PABPC4L: variants seen among roughly 807,000 people sequenced by gnomAD.
PABPC4L encodes polyadenylate-binding protein 4-like.
For synonymous variants in PABPC4L, 169 were observed against 164.1 expected (o/e 1.03, Z -0.23); for missense variants, 452 against 451.4 (o/e 1.00, Z -0.01).
downstream of PABPC4L, among the ~76,000 whole-genome samples, chr4:134,195,969 A>G (rs1470708992): frequency 6.7e-6 from 1 of 150,336 alleles, no homozygotes; most frequent in Non-Finnish European, 1.5e-5. Flanking sequence ...TTATATTTTT[A>G]CTCTATTGTT....
the PABPC4L span, among the ~76,000 whole-genome samples, chr4:134,017,726 G>C: frequency 6.6e-6 from 1 of 151,792 alleles, no homozygotes; most frequent in Admixed American, 6.6e-5. Flanking sequence ...CCGTATCCAG[G>C]CCATCACCAA....
the PABPC4L span, among the ~76,000 whole-genome samples, chr4:134,089,049 A>G: frequency 6.6e-6 from 1 of 152,112 alleles, no homozygotes; most frequent in Non-Finnish European, 1.5e-5. Flanking sequence ...GAGGAAAGGA[A>G]CTAAAGTCAG....
the PABPC4L span, among the ~76,000 whole-genome samples, chr4:134,012,785 T>A: frequency 6.6e-6 from 1 of 152,192 alleles, no homozygotes. Context: ...GGCCTCTTTT[T>A]ACTCTCTTCT....
chr4:133,987,493 C>T, the PABPC4L span, among the ~76,000 whole-genome samples: 1 of 151,912 alleles, frequency 6.6e-6, no homozygotes, highest in African/African-American at 2.4e-5. Flanking sequence ...CCAATTAACT[C>T]TTCTCAAAAA....
At chr4:134,029,870 C>T in the PABPC4L span, among the ~76,000 whole-genome samples, 35 of 151,774 alleles carry the variant, frequency 2.3e-4, no homozygotes, top group African/African-American at 6.5e-4. Context: ...TGGGAGAGAC[C>T]GGGTGAAAGG....
chr4:134,007,067 G>T, the PABPC4L span, among the ~76,000 whole-genome samples: 1 of 151,554 alleles, frequency 6.6e-6, no homozygotes, highest in Admixed American at 6.6e-5. Context: ...TTTTGGAATA[G>T]ATAAGATTTT....
At chr4:133,979,840 G>T in the PABPC4L span, among the ~76,000 whole-genome samples, 2 of 151,994 alleles carry the variant, frequency 1.3e-5, no homozygotes, top group Non-Finnish European at 2.9e-5. Context: ...ACTTAAGCTT[G>T]CAACACCACA....
the PABPC4L span, among the ~76,000 whole-genome samples, chr4:134,163,763 A>C: frequency 1.3e-5 from 2 of 152,186 alleles, no homozygotes; most frequent in African/African-American, 4.8e-5. Context: ...ATCTCAATAG[A>C]TACAGAAAAC....
chr4:134,076,006 T>C, the PABPC4L span, among the ~76,000 whole-genome samples: 5 of 149,274 alleles, frequency 3.3e-5, no homozygotes, highest in African/African-American at 9.8e-5. Flanking sequence ...TTTCTTATAA[T>C]AGGAACTGGA....
the PABPC4L span, among the ~76,000 whole-genome samples, chr4:133,979,629 A>T: frequency 6.6e-6 from 1 of 152,142 alleles, no homozygotes; most frequent in South Asian, 2.1e-4. Flanking sequence ...CACTTTAAGC[A>T]TACAACAGGT....
chr4:133,953,389 C>T, the PABPC4L span, among the ~76,000 whole-genome samples: 7 of 152,124 alleles, frequency 4.6e-5, no homozygotes, highest in Non-Finnish European at 7.3e-5. Context: ...CTGAAATTCC[C>T]TCAGTAATTC....
chr4:134,071,564 G>A, the PABPC4L span, among the ~76,000 whole-genome samples: 2 of 152,120 alleles, frequency 1.3e-5, no homozygotes, highest in South Asian at 2.1e-4. Context: ...TGCCTTTTGA[G>A]GCAAACTGTT....
chr4:134,005,234 A>G, the PABPC4L span, among the ~76,000 whole-genome samples: 34 of 151,870 alleles, frequency 2.2e-4, no homozygotes, highest in African/African-American at 7.2e-4. Flanking sequence ...TGTATTTTTC[A>G]ATTAAGGAAA....
chr4:134,109,049 A>C, the PABPC4L span, among the ~76,000 whole-genome samples: 1 of 151,946 alleles, frequency 6.6e-6, no homozygotes, highest in Admixed American at 6.6e-5. Context: ...AAAATCAAAA[A>C]ACTTTATGTA....
At chr4:134,088,346 C>T in the PABPC4L span, among the ~76,000 whole-genome samples, 1 of 152,042 alleles carries the variant, frequency 6.6e-6, no homozygotes, top group African/African-American at 2.4e-5. Flanking sequence ...ACTACTGGGA[C>T]CTAAGCTGGT....
At chr4:134,051,069 T>C in the PABPC4L span, among the ~76,000 whole-genome samples, 1 of 152,098 alleles carries the variant, frequency 6.6e-6, no homozygotes, top group African/African-American at 2.4e-5. Flanking sequence ...TATTAAAGGT[T>C]ATCAACCAGA....
the PABPC4L span, among the ~76,000 whole-genome samples, chr4:134,008,867 C>A: frequency 2.6e-5 from 4 of 151,550 alleles, no homozygotes; most frequent in African/African-American, 9.7e-5. Flanking sequence ...TGTAAATAAC[C>A]TATTGAGGTT....
chr4:134,118,221 C>T, the PABPC4L span, among the ~76,000 whole-genome samples: 1 of 151,766 alleles, frequency 6.6e-6, no homozygotes, highest in Admixed American at 6.6e-5. Context: ...GGTTAAAATG[C>T]CAGACCTTAC....
chr4:133,999,603 A>C, the PABPC4L span, among the ~76,000 whole-genome samples: 2 of 152,212 alleles, frequency 1.3e-5, no homozygotes, highest in East Asian at 3.9e-4. Flanking sequence ...ATTAGCCTGA[A>C]TATGCTTTTT....
Sources: allele counts gnomAD v4.1 joint callset (sites outside exome capture counted in the v4.1 genomes callset), GRCh38; gene constraint gnomAD v4.1.1; transcripts MANE v1.5; gene names NCBI Gene and HGNC (gene_info 2026-07-23, HGNC 2026-07-21).